APP: variants seen among roughly 807,000 people sequenced by gnomAD.
APP encodes the protein amyloid beta precursor protein, also known as amyloid-beta precursor protein.
A neutral mutation model predicts 101.4 loss-of-function variants in APP; 31 were observed. The observed-to-expected ratio is 0.31, with a 90% confidence interval of 0.23 to 0.41. APP has a LOEUF of 0.41. Ranked by LOEUF, APP falls within the 10% of genes least tolerant of loss-of-function variation. APP has a pLI of 1.00. For synonymous variants in APP, 366 were observed against 364.4 expected (o/e 1.00, Z -0.05); for missense variants, 839 against 1,003.7 (o/e 0.84, Z 2.22).
chr21:26,165,365 T>C (rs2063584715), intron 1 of APP, among the ~76,000 whole-genome samples: 1 of 152,202 alleles, frequency 6.6e-6, no homozygotes, highest in Non-Finnish European at 1.5e-5. Context: ...ATTAATTCGA[T>C]CCTCAATAAC....
At chr21:26,055,010 A>G (rs1439635193) in intron 3 of APP, among the ~76,000 whole-genome samples, 1 of 152,220 alleles carries the variant, frequency 6.6e-6, no homozygotes, top group African/African-American at 2.4e-5. Flanking sequence ...AATAAGTACT[A>G]TTTAGATAAA....
At chr21:25,987,143 G>C (rs2042670442) in intron 8 of APP, among the ~76,000 whole-genome samples, 1 of 152,196 alleles carries the variant, frequency 6.6e-6, no homozygotes, top group Non-Finnish European at 1.5e-5. Context: ...TGTTTTCTAT[G>C]AAACAGCTGT....
intron 8 of APP, among the ~76,000 whole-genome samples, chr21:25,996,653 T>C (rs370788174): frequency 1.3e-5 from 2 of 152,252 alleles, no homozygotes; most frequent in African/African-American, 4.8e-5. Context: ...TATTAATGCT[T>C]GCTTAGAAGT....
chr21:26,130,982 C>A (rs2062781887), intron 1 of APP, among the ~76,000 whole-genome samples: 1 of 152,170 alleles, frequency 6.6e-6, no homozygotes, highest in African/African-American at 2.4e-5. Flanking sequence ...GTAATCCCAG[C>A]ACTTTGGGAG....
At chr21:26,110,635 C>T (rs1196490532) in intron 2 of APP, among the ~76,000 whole-genome samples, 1 of 151,996 alleles carries the variant, frequency 6.6e-6, no homozygotes, top group African/African-American at 2.4e-5. Context: ...CTTGTCCTTT[C>T]TTAAACAGAG....
intron 5 of APP, among the ~76,000 whole-genome samples, chr21:26,029,657 A>C (rs549448748): frequency 6.6e-6 from 1 of 152,308 alleles, no homozygotes; most frequent in East Asian, 1.9e-4. Context: ...GCTGACAAGA[A>C]CAGAAAGTGG....
At chr21:25,999,830 G>A (rs1476522252) in intron 7 of APP, among the ~76,000 whole-genome samples, 185 bp downstream of exon 7, 3 of 152,230 alleles carry the variant, frequency 2.0e-5, no homozygotes, top group South Asian at 2.1e-4. Flanking sequence ...AGGGAAAGAC[G>A]GAGAGGTGTG....
At chr21:25,886,413 T>A (rs915101520) in intron 17 of APP, among the ~76,000 whole-genome samples, 2 of 151,652 alleles carry the variant, frequency 1.3e-5, no homozygotes, top group Non-Finnish European at 2.9e-5. Context: ...TTTTTTTTTT[T>A]AAGACAGTCT....
chr21:25,909,266 CAAAAAAAAAA>C (rs35504500), intron 14 of APP, among the ~76,000 whole-genome samples: 1 of 76,226 alleles, frequency 1.3e-5, no homozygotes, highest in African/African-American at 4.5e-5. Flanking sequence ...GACTCCGTCT[CAAAAAAAAAA>C]AAAAAAAAAA....
intron 11 of APP, among the ~76,000 whole-genome samples, chr21:25,971,295 C>A (rs1004814629): frequency 8.5e-5 from 13 of 152,252 alleles, no homozygotes; most frequent in Non-Finnish European, 1.6e-4. Flanking sequence ...ATCCGCCCGC[C>A]TTGGCCTCCC....
intron 17 of APP, among the ~76,000 whole-genome samples, chr21:25,890,996 A>G (rs535789731): frequency 6.3e-4 from 96 of 152,364 alleles, no homozygotes; most frequent in African/African-American, 2.3e-3. Flanking sequence ...TTTCCTAAAA[A>G]GTTGCATATA....
intron 11 of APP, among the ~76,000 whole-genome samples, chr21:25,960,985 C>A (rs1308606092): frequency 4.0e-4 from 61 of 151,970 alleles, no homozygotes; most frequent in Non-Finnish European, 1.2e-4. Flanking sequence ...CCCTCAGAAA[C>A]AAATACTATT....
rs145814596 is a variant in APP, at chr21:26,044,052, C to T, written c.662+6948G>A. Among the ~76,000 whole-genome samples the T allele has an allele frequency of 2.1e-3, 325 of 152,234 alleles. 2 individuals carry two copies. The highest frequency in any genetic ancestry group is 7.5e-3 in the African/African-American group (310 of 41,536). ...GCTAAAGAAGACAAAATAATATGAG[C>T]ATGAAAGAATGATATAATTGCCTAG... On this transcript the variant is annotated intron_variant, in intron 5 of 17. Coordinates refer to ENST00000346798, the MANE Select transcript of APP (RefSeq NM_000484.4).
chr21:26,145,499 C>T (rs1414986383), intron 1 of APP, among the ~76,000 whole-genome samples: 1 of 152,202 alleles, frequency 6.6e-6, no homozygotes, highest in African/African-American at 2.4e-5. Context: ...GTAATGCTCA[C>T]TGGCTCACCT....
At chr21:25,886,486 T>C (rs7282612) in intron 17 of APP, among the ~76,000 whole-genome samples, 139,851 of 152,026 alleles carry the variant, frequency 0.92, 64,495 homozygotes, top group African/African-American at 0.96. Context: ...CTCCATCTCC[T>C]GGGTTCAAGC....
chr21:26,105,128 T>C lies in APP; in HGVS notation c.225+6851A>G, dbSNP rs892907729. ...CCCAATGACAGATACCAGAATACCG[T>C]GAATTTTCATGGTGCTGAATCAAAC... On this transcript the variant is annotated intron_variant, in intron 2 of 17. Coordinates refer to ENST00000346798, the MANE Select transcript of APP (RefSeq NM_000484.4). Among the ~76,000 whole-genome samples the C allele has an allele frequency of 3.4e-5, 5 of 148,766 alleles. No individual in the cohort carries two copies. The South Asian group carries it at 1.1e-3, about 32-fold the overall frequency.
chr21:25,974,743 T>C (rs7281979), intron 11 of APP, among the ~76,000 whole-genome samples: 6,004 of 152,154 alleles, frequency 0.039, 401 homozygotes, highest in African/African-American at 0.14. Flanking sequence ...CTTCCAGCTT[T>C]TGTGTTCGAA....
chr21:26,161,881 GT>G (rs1176762169), intron 1 of APP, among the ~76,000 whole-genome samples: 1 of 151,828 alleles, frequency 6.6e-6, no homozygotes, highest in Non-Finnish European at 1.5e-5. Flanking sequence ...CTTTGCATCG[GT>G]TTTAAAGGCT....
chr21:26,110,623 A>T (rs2062295309), intron 2 of APP, among the ~76,000 whole-genome samples: 1 of 152,178 alleles, frequency 6.6e-6, no homozygotes, highest in South Asian at 2.1e-4. Context: ...TAGTAATTAG[A>T]GCTTGTCCTT....
Sources: gnomAD v4.1 joint callset for allele counts (sites outside exome capture counted in the v4.1 genomes callset) on GRCh38, gnomAD v4.1.1 for gene constraint, MANE v1.5 for transcripts, NCBI Gene and HGNC (gene_info 2026-07-23, HGNC 2026-07-21) for gene names.